ASTN2: variants seen among roughly 807,000 people sequenced by gnomAD.
ASTN2 encodes astrotactin-2.
ASTN2 carries 54 observed loss-of-function variants against 139.8 expected under a neutral mutation model. The observed-to-expected ratio is 0.39, with a 90% CI of 0.31 to 0.48. The LOEUF is 0.48. Ranked by LOEUF, ASTN2 falls within the 20% of genes least tolerant of loss-of-function variation. ASTN2 has a pLI of 0.95. For missense variants in ASTN2, 1,565 were observed against 1,725.1 expected (o/e 0.91, Z 1.64); for synonymous variants, 756 against 719.5 (o/e 1.05, Z -0.81).
intron 4 of ASTN2, among the ~76,000 whole-genome samples, chr9:117,104,816 A>T (rs1246392017): frequency 6.6e-6 from 1 of 152,152 alleles, no homozygotes; most frequent in East Asian, 1.9e-4. Flanking sequence ...TTATTTTTTT[A>T]ATAAGTACTC....
intron 1 of ASTN2, among the ~76,000 whole-genome samples, chr9:117,400,842 C>A (rs1830808889): frequency 6.6e-6 from 1 of 152,082 alleles, no homozygotes; most frequent in African/African-American, 2.4e-5. Context: ...ACCACAGACA[C>A]CCAGCAGAAC....
chr9:117,144,696 T>G (rs2132865568), intron 3 of ASTN2, among the ~76,000 whole-genome samples: 1 of 84,172 alleles, frequency 1.2e-5, no homozygotes, highest in Admixed American at 1.6e-4. Flanking sequence ...TTTTTTTTTT[T>G]TTTGAGATGG....
At chr9:117,323,497 A>G (rs1044993162) in intron 1 of ASTN2, among the ~76,000 whole-genome samples, 4 of 152,184 alleles carry the variant, frequency 2.6e-5, no homozygotes, top group Admixed American at 2.6e-4. Context: ...GCCAGCCTGA[A>G]GACTTCCCAA....
intron 5 of ASTN2, among the ~76,000 whole-genome samples, chr9:117,078,674 G>T (rs1279515712): frequency 2.0e-5 from 3 of 152,160 alleles, no homozygotes; most frequent in African/African-American, 7.2e-5. Flanking sequence ...AACCATCTAT[G>T]CCTTGGTTCC....
chr9:116,818,994 A>G (rs1357775535), intron 12 of ASTN2, among the ~76,000 whole-genome samples: 3 of 152,216 alleles, frequency 2.0e-5, no homozygotes, highest in Non-Finnish European at 2.9e-5. Flanking sequence ...GGTAGGTATT[A>G]AAATTTTACT....
chr9:116,531,338 T>C (rs1343459772), intron 19 of ASTN2, among the ~76,000 whole-genome samples: 2 of 152,222 alleles, frequency 1.3e-5, no homozygotes, highest in African/African-American at 2.4e-5. Flanking sequence ...TTTTGACATA[T>C]GATACAGAGG....
At chr9:117,247,356 C>A (rs1236646620) in intron 2 of ASTN2, among the ~76,000 whole-genome samples, 1 of 152,170 alleles carries the variant, frequency 6.6e-6, no homozygotes, top group Non-Finnish European at 1.5e-5. Flanking sequence ...AGAACAGAAA[C>A]CTGTCTAAAG....
chr9:117,332,945 A>C (rs1288124068), intron 1 of ASTN2, among the ~76,000 whole-genome samples: 1 of 152,242 alleles, frequency 6.6e-6, no homozygotes, highest in Non-Finnish European at 1.5e-5. Context: ...ATATGTCCAG[A>C]AAGTAGACTA....
At chr9:116,866,074 T>C (rs1381035728) in intron 10 of ASTN2, among the ~76,000 whole-genome samples, 1 of 152,198 alleles carries the variant, frequency 6.6e-6, no homozygotes, top group African/African-American at 2.4e-5. Flanking sequence ...GTGAGCATAG[T>C]GGCTAAATCT....
chr9:116,556,983 G>C (rs1047182429), intron 19 of ASTN2, among the ~76,000 whole-genome samples: 3 of 151,940 alleles, frequency 2.0e-5, no homozygotes, highest in African/African-American at 7.3e-5. Flanking sequence ...GATATATTGG[G>C]AGGCCGAGGC....
intron 10 of ASTN2, among the ~76,000 whole-genome samples, chr9:116,872,519 A>G (rs1833192896): frequency 6.6e-6 from 1 of 152,128 alleles, no homozygotes; most frequent in African/African-American, 2.4e-5. Flanking sequence ...TGTTCTGGGT[A>G]CTCGGCTGGG....
intron 6 of ASTN2, among the ~76,000 whole-genome samples, chr9:117,027,298 C>T (rs1037835162): frequency 1.8e-4 from 27 of 152,166 alleles, no homozygotes; most frequent in Admixed American, 1.6e-3. Flanking sequence ...AGCCTGAACT[C>T]TGAATTAACA....
intron 4 of ASTN2, among the ~76,000 whole-genome samples, chr9:117,133,980 G>A (rs764241969): frequency 1.3e-5 from 2 of 151,962 alleles, no homozygotes; most frequent in Admixed American, 6.6e-5. Context: ...CATGGTTTAA[G>A]TGGAACCTCA....
chr9:117,170,254 C>T (rs1039483624), intron 3 of ASTN2, among the ~76,000 whole-genome samples: 2 of 152,056 alleles, frequency 1.3e-5, no homozygotes, highest in African/African-American at 4.8e-5. Context: ...ATCCACCTTC[C>T]AGCCACTCCA....
At chr9:117,039,595 A>C (rs1383429381) in intron 6 of ASTN2, among the ~76,000 whole-genome samples, 1 of 152,156 alleles carries the variant, frequency 6.6e-6, no homozygotes, top group Non-Finnish European at 1.5e-5. Context: ...TTAGAGTAAA[A>C]GGAAAAAAAA....
chr9:117,304,975 C>T (rs749021419), intron 1 of ASTN2, among the ~76,000 whole-genome samples: 8 of 152,160 alleles, frequency 5.3e-5, no homozygotes, highest in Non-Finnish European at 1.0e-4. Context: ...CCCTTCCCAC[C>T]AGAACAGTGT....
chr9:116,948,785 G>GTTTTTTTTTTTTT lies in ASTN2; in HGVS notation c.1889+26410_1889+26422dup, dbSNP rs58832163. On this transcript the variant is annotated intron_variant, in intron 10 of 22. Transcript: ENST00000313400. ...AGAGAGAGGAGAGAAATAATTTGGTGTTTTTTTTTTTTTTTTTTTTTTTTT... is the reference window on the plus strand; with the variant it reads ...AGAGAGAGGAGAGAAATAATTTGGTGTTTTTTTTTTTTTTTTTTTTTTTTTTTTTTTTTTTTTT... Among the ~76,000 whole-genome samples, 86 of 49,472 alleles carry GTTTTTTTTTTTTT rather than the reference G, an allele frequency of 1.7e-3. 18 individuals are homozygous for GTTTTTTTTTTTTT. The highest frequency in any genetic ancestry group is 6.7e-3 in the African/African-American group (78 of 11,588). 32.5% of individuals were successfully genotyped at this position (49,472 alleles called of 152,430 possible).
chr9:116,497,492 G>A (rs537584660), intron 19 of ASTN2, among the ~76,000 whole-genome samples: 2 of 152,262 alleles, frequency 1.3e-5, no homozygotes, highest in African/African-American at 4.8e-5. Flanking sequence ...TTTACGTGCA[G>A]CCAACCAAGG....
intron 20 of ASTN2, among the ~76,000 whole-genome samples, chr9:116,469,032 T>C (rs1222062403): frequency 6.6e-6 from 1 of 152,200 alleles, no homozygotes; most frequent in Non-Finnish European, 1.5e-5. Flanking sequence ...CTGAAAGGCA[T>C]TCTCTCGTCT....
Sources: gnomAD v4.1 joint callset for allele counts (sites outside exome capture counted in the v4.1 genomes callset) on GRCh38, gnomAD v4.1.1 for gene constraint, MANE v1.5 for transcripts, NCBI Gene and HGNC (gene_info 2026-07-23, HGNC 2026-07-21) for gene names.